The following HACL1 variants were observed in gnomAD, a reference collection of about 807,000 sequenced individuals.
HACL1 encodes 2-hydroxyacyl-CoA lyase 1.
In HACL1, 64 loss-of-function variants were observed where a neutral mutation model predicts 74.2. The ratio of observed to expected loss-of-function variants is 0.86; its 90% CI spans 0.70 to 1.06. The LOEUF is 1.06. Among genes scored for constraint, HACL1 ranks in the 50% least tolerant of loss-of-function variants. The probability of loss-of-function intolerance (pLI) is 0.00; values close to 1 mark genes in which losing one functional copy is unlikely to be tolerated. For synonymous variants in HACL1, 230 were observed against 238.8 expected (o/e 0.96, Z 0.34); for missense variants, 728 against 719.7 (o/e 1.01, Z -0.13).
intron 4 of HACL1, among the ~76,000 whole-genome samples, chr3:15,589,978 T>C (rs936510496): frequency 6.6e-6 from 1 of 151,930 alleles, no homozygotes; most frequent in African/African-American, 2.4e-5. Flanking sequence ...GAGGTTACAG[T>C]GAGCCGAGAT....
chr3:15,595,020 G>A (rs1574947724), intron 3 of HACL1, among the ~76,000 whole-genome samples: 2 of 152,102 alleles, frequency 1.3e-5, no homozygotes, highest in Admixed American at 6.5e-5. Flanking sequence ...CCAGCTACTG[G>A]GGAAGCTGAG....
At chr3:15,589,235 G>A (rs1473555967) in intron 5 of HACL1, among the ~76,000 whole-genome samples, 2 of 152,130 alleles carry the variant, frequency 1.3e-5, no homozygotes, top group Non-Finnish European at 2.9e-5. Flanking sequence ...GGTGGCTCAT[G>A]CTTGTAATCC....
At chr3:15,601,280 A>G (rs1384503165) in intron 1 of HACL1, 86 bp from the exon 2 acceptor site, 1 of 1,574,282 alleles carries the variant, frequency 6.4e-7, no homozygotes, top group Non-Finnish European at 8.7e-7. Flanking sequence ...CTAAAAGGAA[A>G]ACCCCCCGAC....
Position 15,563,402 on chromosome 3 carries a change from G to C in HACL1, c.1660C>G (p.Leu554Val). Residue 554 changes from leucine (L) to valine (V), a missense_variant, in exon 16 of 17, where the codon CTT (leucine) becomes GTT (valine). By Grantham distance (32) the Leu-to-Val change is conservative. Transcript: ENST00000321169. ...TGTGGCTCAATCATGATGTTGATAAGAGAAGGTTTAGTTGTGTCTGCTAGG... is the reference window on the plus strand; with the variant it reads ...TGTGGCTCAATCATGATGTTGATAACAGAAGGTTTAGTTGTGTCTGCTAGG... ...QSLADTTKPS[L>V]INIMIEPQAT... is the part of the protein sequence containing the mutation. 6.2e-7 allele frequency: 1 copy of C among 1,613,850 alleles called. No individual in the cohort carries two copies. Among genetic ancestry groups the C allele is most frequent in the African/African-American group, 1.3e-5 (1 of 75,018 alleles).
chr3:15,600,981 G>A, intron 2 of HACL1, 109 bp downstream of exon 2: 1 of 711,184 alleles, frequency 1.4e-6, no homozygotes, highest in Non-Finnish European at 2.6e-6. Context: ...TATGATATAT[G>A]TAAAGTAGCA....
At chr3:15,569,638 A>G (rs538559969) in intron 12 of HACL1, among the ~76,000 whole-genome samples, 1 of 152,190 alleles carries the variant, frequency 6.6e-6, no homozygotes, top group East Asian at 2.0e-4. Context: ...CCTGACCAAC[A>G]TGGAGAAGCT....
At chr3:15,562,332 A>T (rs1346911917) in intron 16 of HACL1, among the ~76,000 whole-genome samples, 1 of 152,196 alleles carries the variant, frequency 6.6e-6, no homozygotes, top group Non-Finnish European at 1.5e-5. Context: ...GTTTTTCTGC[A>T]TTCATCTTCC....
intron 12 of HACL1, 21 bp downstream of exon 12, chr3:15,571,647 C>G: frequency 1.0e-6 from 1 of 969,206 alleles, no homozygotes; most frequent in African/African-American, 1.6e-5. Context: ...TGTTATTGAG[C>G]GTCAGTAGGT....
intron 9 of HACL1, among the ~76,000 whole-genome samples, chr3:15,575,780 A>G (rs2063614378): frequency 6.6e-6 from 1 of 152,056 alleles, no homozygotes; most frequent in Admixed American, 6.6e-5. Context: ...GTTTCAAGTG[A>G]TTCGCCCACC....
At chr3:15,598,219 C>G (rs185002842) in intron 2 of HACL1, among the ~76,000 whole-genome samples, 1 of 152,164 alleles carries the variant, frequency 6.6e-6, no homozygotes, top group African/African-American at 2.4e-5. Flanking sequence ...CGGGGTTTCT[C>G]CATGTTGGTC....
At chr3:15,600,492 A>G (rs1323954088) in intron 2 of HACL1, among the ~76,000 whole-genome samples, 1 of 152,264 alleles carries the variant, frequency 6.6e-6, no homozygotes, top group East Asian at 1.9e-4. Flanking sequence ...CTGCTTCCAA[A>G]TAAGCCTCTA....
rs1397662038 is a variant in HACL1, at chr3:15,601,385, G to A, written c.79C>T (p.Gln27Ter). The change falls in exon 1 of 17, where the codon CAA becomes TAA. Residue 27 changes from glutamine (Q) to a stop codon, truncating the protein, a stop_gained and splice_region_variant. Coordinates refer to ENST00000321169, the MANE Select transcript of HACL1 (RefSeq NM_012260.4). LOFTEE classifies it high-confidence loss of function. ...AKVIAQALKTQDVEYIFGIVG... is the reference protein window; with the variant it reads ...AKVIAQALKT ...CATTCCAGGAAGGTCCATCGTACTT[G>A]CGTTTTCAGGGCCTGAGCGATGACT... 6.2e-7 allele frequency: 1 copy of A among 1,614,098 alleles called. No homozygotes were observed. The highest frequency in any genetic ancestry group is 1.7e-5 in the Admixed American group (1 of 60,022).
Position 15,580,029 on chromosome 3 carries a change from A to C in HACL1, c.684T>G (p.His228Gln), listed in dbSNP as rs771061386. The C allele has an allele frequency of 6.2e-7, 1 of 1,612,714 alleles. No homozygotes were observed. Among genetic ancestry groups the C allele is most frequent in the East Asian group, 2.2e-5 (1 of 44,860 alleles). Reference protein sequence around the residue: ...LIIGKGAAYAHAEESIKKLVE... With the variant: ...LIIGKGAAYAQAEESIKKLVE... The stretch of plus-strand genomic sequence containing the variant: ...CCAATTTCTTGATACTCTCTTCTGC[A>C]TGAGCGTAAGCAGCACCTATAAGAA... The change falls in exon 9 of 17, where the codon CAT becomes CAG. Residue 228 changes from histidine to glutamine, a missense_variant. His to Gln is a conservative substitution (Grantham distance 24). Transcript: ENST00000321169.
intron 8 of HACL1, 122 bp from the exon 9 acceptor site, chr3:15,580,167 A>G: frequency 1.3e-6 from 1 of 763,996 alleles, no homozygotes; most frequent in Non-Finnish European, 2.1e-6. Context: ...TCACTCTATC[A>G]CCCAGGCTGG....
In HACL1 at chr3:15,567,763, T is replaced by C. The variant is rs1289756683; in HGVS notation, c.1409+81A>G. On this transcript the variant is annotated intron_variant, in intron 14 of 16. Coordinates refer to ENST00000321169, the MANE Select transcript of HACL1 (RefSeq NM_012260.4). ...GGGCACCTGGTGAACGCTTCATAAG[T>C]ATTTGTCAGGTGACTGGGTCTTGTG... 3 of 1,298,168 alleles carry C rather than the reference T, an allele frequency of 2.3e-6. No homozygotes were observed. The African/African-American group carries it at 4.3e-5, about 19-fold the overall frequency. The allele number at this position is 1,298,168 out of a possible 1,614,324, so 80.4% of individuals were successfully genotyped here.
At chr3:15,588,282 C>T (rs2063826713) in intron 5 of HACL1, among the ~76,000 whole-genome samples, 1 of 152,094 alleles carries the variant, frequency 6.6e-6, no homozygotes, top group Non-Finnish European at 1.5e-5. Context: ...TTGTTTCCAA[C>T]AACTGTTTTT....
intron 12 of HACL1, among the ~76,000 whole-genome samples, chr3:15,570,968 A>C (rs2063518225): frequency 6.6e-6 from 1 of 151,308 alleles, no homozygotes. Flanking sequence ...AAAAAAAACC[A>C]CTTAATAGTT....
intron 2 of HACL1, among the ~76,000 whole-genome samples, chr3:15,600,031 G>C (rs532853821): frequency 6.6e-6 from 1 of 152,238 alleles, no homozygotes; most frequent in South Asian, 2.1e-4. Flanking sequence ...AAACCTCCTA[G>C]TTTTAAGATT....
chr3:15,596,450 G>C (rs757505367), intron 2 of HACL1, 26 bp from the exon 3 acceptor site: 1 of 1,470,104 alleles, frequency 6.8e-7, no homozygotes, highest in African/African-American at 1.4e-5. Context: ...ACTGGGACTT[G>C]AGCATATTGG....
Sources: allele counts gnomAD v4.1 joint callset (sites outside exome capture counted in the v4.1 genomes callset), GRCh38; gene constraint gnomAD v4.1.1; transcripts MANE v1.5; gene names NCBI Gene and HGNC (gene_info 2026-07-23, HGNC 2026-07-21).